ATXN2: variants seen among roughly 807,000 people sequenced by gnomAD.
The protein encoded by ATXN2 is ataxin-2.
In ATXN2, 37 loss-of-function variants were observed where a neutral mutation model predicts 138.6. That is an observed-to-expected ratio of 0.27 (90% CI 0.21 to 0.35). The LOEUF is 0.35. Ranked by LOEUF, ATXN2 falls within the 10% of genes least tolerant of loss-of-function variation. The probability of loss-of-function intolerance (pLI) is 1.00; values close to 1 mark genes in which losing one functional copy is unlikely to be tolerated. For missense variants in ATXN2, 1,216 were observed against 1,480.3 expected (o/e 0.82, Z 2.93); for synonymous variants, 549 against 543.7 (o/e 1.01, Z -0.13).
chr12:111,579,259 GCTTT>G (rs1375668814), intron 1 of ATXN2, among the ~76,000 whole-genome samples: 13 of 151,996 alleles, frequency 8.6e-5, no homozygotes, highest in African/African-American at 2.9e-4. Flanking sequence ...ATTCATACCA[GCTTT>G]ATTTATTTAT....
chr12:111,540,119 G>A (rs1881416684), intron 5 of ATXN2, among the ~76,000 whole-genome samples: 1 of 149,718 alleles, frequency 6.7e-6, no homozygotes, highest in South Asian at 2.1e-4. Context: ...TCTTTCCCAG[G>A]AGTATGAAAT....
intron 11 of ATXN2, chr12:111,512,379 T>C (rs1879585940): frequency 6.6e-6 from 1 of 152,118 alleles, no homozygotes; most frequent in African/African-American, 2.4e-5. Context: ...AACAAAGCAC[T>C]AAGGACTGAT....
intron 1 of ATXN2, among the ~76,000 whole-genome samples, chr12:111,590,841 T>C (rs901124634): frequency 5.9e-5 from 9 of 152,012 alleles, no homozygotes; most frequent in Non-Finnish European, 1.2e-4. Flanking sequence ...GAGATGTAGG[T>C]TGTATGCTCT....
Position 111,453,028 on chromosome 12 carries a change from G to C in ATXN2, c.3440-188C>G. 7.6e-7 allele frequency: 1 copy of C among 1,313,062 alleles called. No individual in the cohort carries two copies. Among genetic ancestry groups the C allele is most frequent in the Non-Finnish European group, 9.7e-7 (1 of 1,033,192 alleles). The allele number at this position is 1,313,062 out of a possible 1,614,324, so 81.3% of individuals were successfully genotyped here. On this transcript the variant is annotated intron_variant, in intron 24 of 24. Transcript: ENST00000673436. The surrounding 1 kb of genome is among the most constrained non-coding windows in gnomAD (Gnocchi z 5.4). ...TGGGTGGGTGGGTAGAAACAAACCA[G>C]TCAGACGTAAAACCACTTCAGATAA...
At chr12:111,559,498 G>A (rs1347769436) in intron 1 of ATXN2, among the ~76,000 whole-genome samples, 1 of 151,806 alleles carries the variant, frequency 6.6e-6, no homozygotes, top group Non-Finnish European at 1.5e-5. Flanking sequence ...CATAGGCCAG[G>A]TGTGGTGGCT....
At chr12:111,498,354 T>C (rs1329481277) in intron 14 of ATXN2, among the ~76,000 whole-genome samples, 2 of 152,140 alleles carry the variant, frequency 1.3e-5, no homozygotes, top group Non-Finnish European at 2.9e-5. Flanking sequence ...CTATTAGAAC[T>C]GACAAACAAA....
chr12:111,489,518 TAGG>T (rs1042180915), intron 14 of ATXN2, among the ~76,000 whole-genome samples: 2 of 150,454 alleles, frequency 1.3e-5, no homozygotes, highest in African/African-American at 4.9e-5. Flanking sequence ...GAGGCTGAGG[TAGG>T]AGAATGGTGT....
intron 18 of ATXN2, among the ~76,000 whole-genome samples, chr12:111,476,679 T>C (rs1396152824): frequency 6.6e-6 from 1 of 152,096 alleles, no homozygotes; most frequent in South Asian, 2.1e-4. Flanking sequence ...AAGGGATAAA[T>C]TTAAGAAAGC....
chr12:111,508,560 C>T (rs1879319216), intron 14 of ATXN2, among the ~76,000 whole-genome samples: 2 of 148,472 alleles, frequency 1.3e-5, no homozygotes, highest in Non-Finnish European at 3.0e-5. Context: ...GATTATCCTG[C>T]CTCAGCCTGC....
intron 11 of ATXN2, 58 bp from the exon 12 acceptor site, chr12:111,510,640 A>T: frequency 6.8e-7 from 1 of 1,462,642 alleles, no homozygotes; most frequent in Admixed American, 1.9e-5. Context: ...ACTTCCTAAA[A>T]GAGGCTTCAG....
intron 14 of ATXN2, among the ~76,000 whole-genome samples, chr12:111,490,978 C>A (rs1283796721): frequency 6.6e-6 from 1 of 152,072 alleles, no homozygotes; most frequent in Non-Finnish European, 1.5e-5. Flanking sequence ...GAATTTCGGG[C>A]TGGGCACTAT....
At chr12:111,525,459 G>T (rs1299618324) in intron 5 of ATXN2, 143 bp from the exon 6 acceptor site, 1 of 1,014,832 alleles carries the variant, frequency 9.9e-7, no homozygotes, top group African/African-American at 1.6e-5. Flanking sequence ...AAATCTAACA[G>T]AAACATTTAT....
intron 14 of ATXN2, among the ~76,000 whole-genome samples, chr12:111,491,671 G>A (rs551050746): frequency 2.0e-5 from 3 of 152,260 alleles, no homozygotes; most frequent in African/African-American, 7.2e-5. Flanking sequence ...TTGCCTTGAA[G>A]GGAAATACCT....
At chr12:111,585,343 T>C (rs757449541) in intron 1 of ATXN2, among the ~76,000 whole-genome samples, 3 of 150,552 alleles carry the variant, frequency 2.0e-5, no homozygotes, top group African/African-American at 4.9e-5. Flanking sequence ...CAAAACCCCA[T>C]CTCTACTAAA....
chr12:111,569,719 A>C (rs1883207147), intron 1 of ATXN2, among the ~76,000 whole-genome samples: 2 of 151,850 alleles, frequency 1.3e-5, no homozygotes, highest in African/African-American at 2.4e-5. Flanking sequence ...CTGTCTTAAA[A>C]CACCACCACC....
intron 5 of ATXN2, among the ~76,000 whole-genome samples, chr12:111,526,617 C>T (rs1566043689): frequency 6.6e-6 from 1 of 152,062 alleles, no homozygotes; most frequent in Non-Finnish European, 1.5e-5. Flanking sequence ...GTTGGCCAGG[C>T]TGGTCTCGAA....
intron 14 of ATXN2, among the ~76,000 whole-genome samples, chr12:111,493,055 C>T (rs1322637762): frequency 3.3e-5 from 5 of 152,210 alleles, no homozygotes; most frequent in Non-Finnish European, 7.4e-5. Flanking sequence ...AAAAATGCAT[C>T]AGTCTCTCAA....
At chr12:111,508,013 C>CA (rs914746072) in intron 14 of ATXN2, among the ~76,000 whole-genome samples, 1 of 152,166 alleles carries the variant, frequency 6.6e-6, no homozygotes, top group Admixed American at 6.5e-5. Flanking sequence ...CCCAGGGACA[C>CA]AAACACTGCG....
At chr12:111,560,883 A>G (rs543456923) in intron 1 of ATXN2, among the ~76,000 whole-genome samples, 10 of 152,352 alleles carry the variant, frequency 6.6e-5, no homozygotes, top group South Asian at 4.1e-4. Flanking sequence ...AGTGGTCACT[A>G]TAAACATGTT....
Sources: gnomAD v4.1 joint callset for allele counts (sites outside exome capture counted in the v4.1 genomes callset) on GRCh38, gnomAD v4.1.1 for gene constraint, Gnocchi (gnomAD v3.1) non-coding constraint, MANE v1.5 for transcripts, NCBI Gene and HGNC (gene_info 2026-07-23, HGNC 2026-07-21) for gene names.